Variants in ZNF385D observed in about 807,000 individuals in gnomAD.
ZNF385D encodes zinc finger protein 385D.
In ZNF385D, 15 loss-of-function variants were observed where a neutral mutation model predicts 35.8. The ratio of observed to expected loss-of-function variants is 0.42; its 90% CI spans 0.28 to 0.64. The LOEUF is 0.64. Among genes scored for constraint, ZNF385D ranks in the 30% least tolerant of loss-of-function variants. The pLI is 0.23. For synonymous variants in ZNF385D, 212 were observed against 186.8 expected (o/e 1.13, Z -1.10); for missense variants, 474 against 494.6 (o/e 0.96, Z 0.39).
intron 3 of ZNF385D, among the ~76,000 whole-genome samples, chr3:22,142,037 G>A (rs895890398): frequency 6.6e-6 from 1 of 152,168 alleles, no homozygotes; most frequent in African/African-American, 2.4e-5. Context: ...TCATCAGGTT[G>A]ACAGTTTATT....
intron 3 of ZNF385D, among the ~76,000 whole-genome samples, chr3:21,560,139 C>T (rs2062887260): frequency 6.6e-6 from 1 of 152,136 alleles, no homozygotes; most frequent in African/African-American, 2.4e-5. Context: ...TTATTACCCA[C>T]CTTCTGAAGC....
chr3:21,874,668 T>C lies in ZNF385D; in HGVS notation c.326-209640A>G, dbSNP rs532149961. On this transcript the variant is annotated intron_variant, in intron 3 of 5. Coordinates refer to the ZNF385D transcript ENST00000494108. ...TGTAATATGTTTCAAAATCAGGAAA[T>C]GTGAGGTCTCTAGCTTTGTTCTTTT... Among the ~76,000 whole-genome samples the C allele has an allele frequency of 3.3e-5, 5 of 152,216 alleles. 1 individual carries two copies. The South Asian group carries it at 1.0e-3, about 32-fold the overall frequency.
intron 3 of ZNF385D, among the ~76,000 whole-genome samples, chr3:21,976,600 T>C (rs550784661): frequency 5.3e-5 from 8 of 152,234 alleles, no homozygotes; most frequent in African/African-American, 7.2e-5. Context: ...ACATTGCCTA[T>C]GGTTGTGTTA....
intron 2 of ZNF385D, among the ~76,000 whole-genome samples, chr3:22,174,464 C>G (rs1287164153): frequency 6.6e-6 from 1 of 152,106 alleles, no homozygotes; most frequent in Non-Finnish European, 1.5e-5. Context: ...AAATGACTTA[C>G]AAAGTCATAC....
At chr3:22,112,704 T>C (rs892331654) in intron 3 of ZNF385D, among the ~76,000 whole-genome samples, 29 of 152,102 alleles carry the variant, frequency 1.9e-4, no homozygotes, top group Admixed American at 1.8e-3. Flanking sequence ...GGGAGAAAGC[T>C]ACACATAGAA....
At position 21,816,126 on chromosome 3, in the gene ZNF385D, A is replaced by G. The variant is rs185234544; in HGVS notation, c.326-151098T>C. ...CAGAAAAGGCCTTTGACAAAATTCA[A>G]CAGCCCTTCATGCTAAAAACTCTCA... is the stretch of plus-strand genomic sequence containing the variant. On this transcript the variant is annotated intron_variant, in intron 3 of 5. Transcript: ENST00000494108. Among the ~76,000 whole-genome samples, 5 of 152,336 alleles carry G rather than the reference A, an allele frequency of 3.3e-5. No individual in the cohort carries two copies. In the East Asian group the frequency reaches 5.8e-4, roughly 18 times the overall value.
At chr3:21,816,023 C>G (rs975490773) in intron 3 of ZNF385D, among the ~76,000 whole-genome samples, 2 of 152,082 alleles carry the variant, frequency 1.3e-5, no homozygotes, top group Non-Finnish European at 2.9e-5. Context: ...AAGGCGGGTT[C>G]AACATATGAA....
intron 3 of ZNF385D, among the ~76,000 whole-genome samples, chr3:22,123,688 C>A (rs1003794365): frequency 3.9e-5 from 6 of 152,052 alleles, no homozygotes; most frequent in Admixed American, 3.3e-4. Context: ...AGTGAAACCC[C>A]ATCTCTACTA....
intron 3 of ZNF385D, among the ~76,000 whole-genome samples, chr3:21,560,665 G>A (rs772033181): frequency 2.0e-5 from 3 of 152,172 alleles, no homozygotes; most frequent in Non-Finnish European, 4.4e-5. Context: ...AGCAGAGCTC[G>A]AACGCTGTGC....
chr3:21,816,221 T>A (rs1452553921), intron 3 of ZNF385D, among the ~76,000 whole-genome samples: 1 of 152,130 alleles, frequency 6.6e-6, no homozygotes, highest in Non-Finnish European at 1.5e-5. Flanking sequence ...ACAGCCAATA[T>A]CATACCGAAT....
intron 4 of ZNF385D, among the ~76,000 whole-genome samples, chr3:21,479,841 A>T (rs1298016520): frequency 6.6e-6 from 1 of 152,154 alleles, no homozygotes; most frequent in Non-Finnish European, 1.5e-5. Context: ...AGCTATGACA[A>T]ATGCTTCATA....
At chr3:21,444,463 C>A (rs901169291) in intron 4 of ZNF385D, among the ~76,000 whole-genome samples, 21 of 148,158 alleles carry the variant, frequency 1.4e-4, no homozygotes, top group African/African-American at 5.2e-4. Flanking sequence ...CGGCTCACTG[C>A]AAGCTCCATC....
intron 3 of ZNF385D, among the ~76,000 whole-genome samples, chr3:22,004,775 C>A (rs749816620): frequency 6.6e-6 from 1 of 152,102 alleles, no homozygotes; most frequent in African/African-American, 2.4e-5. Context: ...ACCTTTTGTC[C>A]TTATCTACCT....
intron 2 of ZNF385D, among the ~76,000 whole-genome samples, chr3:22,226,863 G>C (rs1261980988): frequency 6.6e-6 from 1 of 152,094 alleles, no homozygotes; most frequent in Non-Finnish European, 1.5e-5. Context: ...TTGTAATCCT[G>C]ACAACTCCTA....
intron 3 of ZNF385D, among the ~76,000 whole-genome samples, chr3:22,006,953 A>G (rs1696248976): frequency 6.6e-6 from 1 of 152,104 alleles, no homozygotes; most frequent in Admixed American, 6.5e-5. Flanking sequence ...AAAAAAAGTC[A>G]TTTAATATAG....
intron 2 of ZNF385D, among the ~76,000 whole-genome samples, chr3:22,351,348 AT>A (rs1350263611): frequency 1.3e-5 from 2 of 152,212 alleles, no homozygotes; most frequent in East Asian, 3.9e-4. Flanking sequence ...TTCTTATTTA[AT>A]TTAGAACTTT....
intron 1 of ZNF385D, among the ~76,000 whole-genome samples, chr3:21,684,011 A>C (rs573933841): frequency 6.7e-6 from 1 of 150,056 alleles, no homozygotes; most frequent in South Asian, 2.1e-4. Flanking sequence ...AAGCTAATAA[A>C]TGTGTGATGT....
chr3:22,204,973 C>G (rs1339367059), intron 2 of ZNF385D, among the ~76,000 whole-genome samples: 1 of 80,836 alleles, frequency 1.2e-5, no homozygotes, highest in African/African-American at 4.1e-5. Flanking sequence ...GAGGACTGAC[C>G]AAATCCAAAA....
chr3:21,654,452 A>G (rs2066013426), intron 2 of ZNF385D, among the ~76,000 whole-genome samples: 1 of 152,094 alleles, frequency 6.6e-6, no homozygotes, highest in Non-Finnish European at 1.5e-5. Context: ...GTAGCGCTAA[A>G]GGAATTTCAG....
Sources: allele counts gnomAD v4.1 joint callset (sites outside exome capture counted in the v4.1 genomes callset), GRCh38; gene constraint gnomAD v4.1.1; transcripts MANE v1.5; gene names NCBI Gene and HGNC (gene_info 2026-07-23, HGNC 2026-07-21).